Variants in NAV2 observed in about 807,000 individuals in gnomAD.
The protein encoded by NAV2 is neuron navigator 2, also known as helicase, APC down-regulated 1.
In NAV2, 54 loss-of-function variants were observed where a neutral mutation model predicts 223.2. The observed-to-expected ratio is 0.24, with a 90% CI of 0.19 to 0.30. NAV2 has a LOEUF of 0.30. Among genes scored for constraint, NAV2 ranks in the 10% least tolerant of loss-of-function variants. NAV2 has a pLI of 1.00. For missense variants in NAV2, 2,806 were observed against 3,147.5 expected, an observed-to-expected ratio of 0.89 and a Z score of 2.60; for synonymous variants, 1,279 against 1,239.3, an observed-to-expected ratio of 1.03 and a Z score of -0.67.
At chr11:19,621,093 G>A (rs1447971566) in intron 1 of NAV2, among the ~76,000 whole-genome samples, 8 of 152,172 alleles carry the variant, frequency 5.3e-5, no homozygotes, top group Admixed American at 2.0e-4. Flanking sequence ...AACCAGCCTT[G>A]CATCCCAGGA....
intron 11 of NAV2, among the ~76,000 whole-genome samples, chr11:20,010,209 CT>C (rs2053448831): frequency 6.6e-6 from 1 of 152,140 alleles, no homozygotes; most frequent in Non-Finnish European, 1.5e-5. Flanking sequence ...CCTGACCCAT[CT>C]TTCCCCTAAT....
intron 1 of NAV2, among the ~76,000 whole-genome samples, chr11:19,804,595 C>T (rs753443662): frequency 3.9e-5 from 6 of 152,142 alleles, no homozygotes; most frequent in African/African-American, 9.7e-5. Flanking sequence ...TAATGTGTTC[C>T]CTTGGTGGTT....
intron 1 of NAV2, among the ~76,000 whole-genome samples, chr11:19,429,291 G>A (rs916721690): frequency 2.0e-5 from 3 of 151,766 alleles, no homozygotes; most frequent in African/African-American, 4.8e-5. Flanking sequence ...TTCTTGGCAC[G>A]GCCAAGGGGG....
chr11:19,654,274 C>T (rs1040779941), intron 1 of NAV2, among the ~76,000 whole-genome samples: 1 of 152,196 alleles, frequency 6.6e-6, no homozygotes, highest in Admixed American at 6.5e-5. Flanking sequence ...ATTCCATGCT[C>T]ATGGGTAGGA....
intron 25 of NAV2, among the ~76,000 whole-genome samples, chr11:20,081,374 T>C (rs927928700): frequency 5.3e-5 from 8 of 152,238 alleles, no homozygotes; most frequent in African/African-American, 1.9e-4. Flanking sequence ...AGAGATATTT[T>C]CTACGAAAAA....
Position 20,016,453 on chromosome 11 carries a change from G to A in NAV2, c.2769-19506G>A, listed in dbSNP as rs144742299. 3.7e-3 allele frequency among the ~76,000 whole-genome samples: 567 copies of A among 152,348 alleles called. 4 individuals are homozygous for A. Among genetic ancestry groups the A allele is most frequent in the African/African-American group, 0.013 (538 of 41,580 alleles). On this transcript the variant is annotated intron_variant, in intron 11 of 37. Transcript: ENST00000349880. ...TTAAGGAATATGTGTGCTTTTACATGTGAGTACTCACAAATGTGGAGTCCA... is the reference window on the plus strand; with the variant it reads ...TTAAGGAATATGTGTGCTTTTACATATGAGTACTCACAAATGTGGAGTCCA...
At chr11:19,823,487 C>T (rs769788359) in intron 1 of NAV2, among the ~76,000 whole-genome samples, 11 of 152,244 alleles carry the variant, frequency 7.2e-5, no homozygotes, top group East Asian at 1.9e-4. Context: ...GATTTACAGG[C>T]GTGAGCCACC....
rs571442787 is a variant in NAV2, at chr11:19,918,011, TC to T, written c.932-15164del. ...CTGGATTTGAATCCCACCTCTACCT[TC>T]TCCAGCTTTTTGATATCAGGCCAAT... On this transcript the variant is annotated intron_variant, in intron 6 of 37. Transcript: ENST00000349880. Among the ~76,000 whole-genome samples the T allele has an allele frequency of 7.9e-4, 121 of 152,322 alleles. 3 individuals carry two copies. The highest frequency in any genetic ancestry group is 3.4e-3 in the Middle Eastern group (1 of 294).
At chr11:19,990,527 C>T (rs1187028449) in intron 11 of NAV2, among the ~76,000 whole-genome samples, 1 of 151,998 alleles carries the variant, frequency 6.6e-6, no homozygotes, top group Admixed American at 6.5e-5. Flanking sequence ...CCTTCCCCCT[C>T]CCCCCATTAC....
chr11:20,062,989 G>A (rs539063022), intron 20 of NAV2, among the ~76,000 whole-genome samples: 26 of 152,168 alleles, frequency 1.7e-4, no homozygotes, highest in Non-Finnish European at 2.6e-4. Context: ...CATGGTGCCC[G>A]AACAGCCTCA....
At position 19,858,057 on chromosome 11, in the gene NAV2, C is replaced by T. The variant is rs192520705; in HGVS notation, c.439-10868C>T. On this transcript the variant is annotated intron_variant, in intron 3 of 37. Coordinates refer to ENST00000349880, the MANE Select transcript of NAV2 (RefSeq NM_145117.5). The stretch of plus-strand genomic sequence containing the variant: ...ATTTTTAGTAGAGATGGGTTTTCAC[C>T]GTGTTAGCCAGGATGGTCTCGATCT... Among the ~76,000 whole-genome samples, 153 of 152,246 alleles carry T rather than the reference C, an allele frequency of 1.0e-3. 1 individual carries two copies. The highest frequency in any genetic ancestry group is 6.4e-3 in the South Asian group (31 of 4,820).
intron 6 of NAV2, among the ~76,000 whole-genome samples, chr11:19,923,897 G>A (rs2044496387): frequency 6.6e-6 from 1 of 152,196 alleles, no homozygotes; most frequent in African/African-American, 2.4e-5. Flanking sequence ...AAGTTCAAGA[G>A]AGAGAAAGGA....
chr11:19,851,073 G>A (rs2152975952), intron 3 of NAV2, among the ~76,000 whole-genome samples: 1 of 152,244 alleles, frequency 6.6e-6, no homozygotes, highest in South Asian at 2.1e-4. Flanking sequence ...TACTGGTTTA[G>A]ATATTTTATC....
chr11:19,726,919 G>A (rs769211563), intron 1 of NAV2, among the ~76,000 whole-genome samples: 2 of 152,152 alleles, frequency 1.3e-5, no homozygotes, highest in African/African-American at 2.4e-5. Flanking sequence ...AAGTACTGTC[G>A]CCACCTCTGT....
intron 1 of NAV2, among the ~76,000 whole-genome samples, chr11:19,806,485 C>A (rs1245423547): frequency 6.6e-6 from 1 of 152,242 alleles, no homozygotes; most frequent in Non-Finnish European, 1.5e-5. Context: ...CTTGATCTCT[C>A]ATATCAGTGT....
intron 1 of NAV2, among the ~76,000 whole-genome samples, chr11:19,489,672 T>C (rs918552045): frequency 1.3e-5 from 2 of 152,238 alleles, no homozygotes; most frequent in Non-Finnish European, 2.9e-5. Context: ...GCTCTCTCAC[T>C]GTAAGATCAG....
At chr11:19,912,599 C>T (rs759440372) in intron 6 of NAV2, among the ~76,000 whole-genome samples, 24 of 152,160 alleles carry the variant, frequency 1.6e-4, no homozygotes, top group Non-Finnish European at 3.1e-4. Flanking sequence ...TACTCATTGT[C>T]ATGAAGACCG....
chr11:20,027,519 T>C (rs1440228784), intron 11 of NAV2: 8 of 956,740 alleles, frequency 8.4e-6, no homozygotes, highest in Non-Finnish European at 1.0e-5. Context: ...CTTAGTCACC[T>C]GGAAAGAGGC....
chr11:19,829,724 C>A (rs2059825365), intron 1 of NAV2, among the ~76,000 whole-genome samples: 1 of 152,128 alleles, frequency 6.6e-6, no homozygotes, highest in Admixed American at 6.5e-5. Flanking sequence ...TTACCCTTCT[C>A]CCCAATTGCC....
Sources: allele counts gnomAD v4.1 joint callset (sites outside exome capture counted in the v4.1 genomes callset), GRCh38; gene constraint gnomAD v4.1.1; transcripts MANE v1.5; gene names NCBI Gene and HGNC (gene_info 2026-07-23, HGNC 2026-07-21).